NPAS3: variants seen among roughly 807,000 people sequenced by gnomAD.
NPAS3 encodes neuronal PAS domain-containing protein 3.
NPAS3 carries 14 observed loss-of-function variants against 73.1 expected under a neutral mutation model. That is an observed-to-expected ratio of 0.19 (90% CI 0.13 to 0.30). NPAS3 has a LOEUF of 0.30. NPAS3 is among the 10% of genes least tolerant of loss of function. NPAS3 has a pLI of 1.00. For synonymous variants in NPAS3, 620 were observed against 541.5 expected (o/e 1.14, Z -2.01); for missense variants, 1,096 against 1,250.0 (o/e 0.88, Z 1.86).
intron 7 of NPAS3, among the ~76,000 whole-genome samples, chr14:33,739,663 T>C (rs1170637094): frequency 6.6e-6 from 1 of 152,204 alleles, no homozygotes; most frequent in Non-Finnish European, 1.5e-5. Context: ...CTTTAAAGAT[T>C]TGATAAAATC....
At chr14:33,313,288 T>A (rs1227098656) in intron 3 of NPAS3, among the ~76,000 whole-genome samples, 1 of 152,058 alleles carries the variant, frequency 6.6e-6, no homozygotes, top group African/African-American at 2.4e-5. Context: ...TTGAATCCCC[T>A]GATTGTAATA....
chr14:33,094,148 T>A (rs1278022346), intron 2 of NPAS3, among the ~76,000 whole-genome samples: 1 of 152,002 alleles, frequency 6.6e-6, no homozygotes, highest in Non-Finnish European at 1.5e-5. Context: ...CTTACAAAGC[T>A]AGTCATCCTC....
chr14:33,735,503 C>G (rs2061500678), intron 7 of NPAS3, among the ~76,000 whole-genome samples, 171 bp downstream of exon 7: 1 of 152,110 alleles, frequency 6.6e-6, no homozygotes, highest in Non-Finnish European at 1.5e-5. Flanking sequence ...TTACACCTCT[C>G]CTTCTCACTT....
At chr14:33,582,865 A>G (rs186418238) in intron 5 of NPAS3, among the ~76,000 whole-genome samples, 5 of 152,240 alleles carry the variant, frequency 3.3e-5, no homozygotes, top group Admixed American at 2.6e-4. Context: ...AGAGCATAAA[A>G]TGTTTGAAGT....
chr14:33,595,290 T>C (rs2057200828), intron 5 of NPAS3, among the ~76,000 whole-genome samples: 1 of 152,156 alleles, frequency 6.6e-6, no homozygotes. Flanking sequence ...CTTTGACCAT[T>C]TGTGGCAAGC....
chr14:33,197,269 T>TGTGTG (rs1300549499), intron 2 of NPAS3, among the ~76,000 whole-genome samples: 2 of 20,804 alleles, frequency 9.6e-5, no homozygotes, highest in Non-Finnish European at 1.3e-4. Context: ...GTGTGTGTGT[T>TGTGTG]CTTTTTCAAT....
At chr14:33,364,487 C>A (rs933885202) in intron 3 of NPAS3, among the ~76,000 whole-genome samples, 1 of 152,164 alleles carries the variant, frequency 6.6e-6, no homozygotes, top group African/African-American at 2.4e-5. Flanking sequence ...ACTGTCTTTG[C>A]AGCCCACATC....
chr14:32,965,549 G>T (rs916507997), intron 1 of NPAS3, among the ~76,000 whole-genome samples: 2 of 152,114 alleles, frequency 1.3e-5, no homozygotes, highest in African/African-American at 4.8e-5. Flanking sequence ...GGTATAAAAA[G>T]AATGTATCTC....
intron 3 of NPAS3, among the ~76,000 whole-genome samples, chr14:33,254,812 A>T (rs1299858776): frequency 6.6e-6 from 1 of 152,168 alleles, no homozygotes. Flanking sequence ...ATGACTCGTA[A>T]CTTGGTTGAA....
At chr14:33,163,623 G>GTTTTT (rs71448290) in intron 2 of NPAS3, among the ~76,000 whole-genome samples, 6 of 110,614 alleles carry the variant, frequency 5.4e-5, no homozygotes, top group African/African-American at 9.4e-5. Flanking sequence ...GTGTTTTGTT[G>GTTTTT]TTTTTTTTTT....
chr14:33,377,491 A>G (rs1431273723), intron 4 of NPAS3, among the ~76,000 whole-genome samples: 1 of 152,242 alleles, frequency 6.6e-6, no homozygotes, highest in Non-Finnish European at 1.5e-5. Flanking sequence ...TGCACATTGC[A>G]CGAAATCCAT....
chr14:33,767,231 T>C (rs1414735819), intron 7 of NPAS3, among the ~76,000 whole-genome samples: 2 of 152,186 alleles, frequency 1.3e-5, no homozygotes, highest in Non-Finnish European at 2.9e-5. Flanking sequence ...ATGGTCTAAA[T>C]CCTGGAAGCC....
intron 5 of NPAS3, among the ~76,000 whole-genome samples, chr14:33,673,572 GGTGAT>G (rs2059671652): frequency 6.6e-6 from 1 of 152,122 alleles, no homozygotes; most frequent in Non-Finnish European, 1.5e-5. Flanking sequence ...ACATGTTTGC[GGTGAT>G]TACTTCTCAC....
intron 1 of NPAS3, among the ~76,000 whole-genome samples, chr14:33,030,248 G>C (rs1276425456): frequency 6.6e-6 from 1 of 152,108 alleles, no homozygotes; most frequent in African/African-American, 2.4e-5. Context: ...GCTTTATTAA[G>C]TTATGTAATG....
chr14:32,938,779 C>T (rs1308435572), upstream of NPAS3, among the ~76,000 whole-genome samples: 1 of 148,388 alleles, frequency 6.7e-6, no homozygotes, highest in Non-Finnish European at 1.5e-5. Flanking sequence ...GGTGAGAACC[C>T]GGAGGCGGCG....
chr14:33,058,004 G>A (rs1448742000), intron 2 of NPAS3, among the ~76,000 whole-genome samples: 1 of 151,916 alleles, frequency 6.6e-6, no homozygotes, highest in Non-Finnish European at 1.5e-5. Flanking sequence ...TTAAGTTTTT[G>A]GCTTCTGTTT....
At chr14:33,113,416 T>C (rs1041184730) in intron 2 of NPAS3, among the ~76,000 whole-genome samples, 3 of 152,204 alleles carry the variant, frequency 2.0e-5, no homozygotes, top group African/African-American at 7.2e-5. Flanking sequence ...AGGTATTTTA[T>C]TCTCTTTGAA....
At chr14:33,292,213 G>A (rs560435614) in intron 3 of NPAS3, among the ~76,000 whole-genome samples, 1 of 152,222 alleles carries the variant, frequency 6.6e-6, no homozygotes, top group Non-Finnish European at 1.5e-5. Context: ...GTAAAACACA[G>A]GCTACCCGTT....
chr14:33,563,537 C>CACACACACACACACACACACAGAG, intron 5 of NPAS3, among the ~76,000 whole-genome samples: 15 of 119,654 alleles, frequency 1.3e-4, no homozygotes, highest in Admixed American at 4.9e-4. Flanking sequence ...CACACACACA[C>CACACACACACACACACACACAGAG]AGAGAGAGAG....
Sources: allele counts gnomAD v4.1 joint callset (sites outside exome capture counted in the v4.1 genomes callset), GRCh38; gene constraint gnomAD v4.1.1; transcripts MANE v1.5; gene names NCBI Gene and HGNC (gene_info 2026-07-23, HGNC 2026-07-21).